HS6ST3: variants seen among roughly 807,000 people sequenced by gnomAD.
The protein encoded by HS6ST3 is heparan-sulfate 6-O-sulfotransferase 3.
A neutral mutation model predicts 36.7 loss-of-function variants in HS6ST3; 12 were observed. That is an observed-to-expected ratio of 0.33 (90% CI 0.21 to 0.53). The LOEUF is 0.53. Ranked by LOEUF, HS6ST3 falls within the 20% of genes least tolerant of loss-of-function variation. The pLI is 0.95. For synonymous variants in HS6ST3, 240 were observed against 257.5 expected (o/e 0.93, Z 0.65); for missense variants, 584 against 640.9 (o/e 0.91, Z 0.96).
At chr13:96,749,152 C>T (rs1029455574) in intron 1 of HS6ST3, among the ~76,000 whole-genome samples, 1 of 152,094 alleles carries the variant, frequency 6.6e-6, no homozygotes, top group African/African-American at 2.4e-5. Context: ...AGTATTTCCC[C>T]CAGTATCACT....
chr13:96,400,715 G>A lies in HS6ST3; in HGVS notation c.707+309146G>A, dbSNP rs138748077. Among the ~76,000 whole-genome samples the A allele has an allele frequency of 6.7e-3, 1,018 of 152,226 alleles. 7 individuals are homozygous for A. The highest frequency in any genetic ancestry group is 0.024 in the African/African-American group (977 of 41,530). On this transcript the variant is annotated intron_variant, in intron 1 of 1. Coordinates refer to ENST00000376705, the MANE Select transcript of HS6ST3 (RefSeq NM_153456.4). ...AGGAATATCCCACCAGTGGCGCAGG[G>A]CTTTGTGGTTTGGGAATTTGTCTCC...
intron 1 of HS6ST3, among the ~76,000 whole-genome samples, chr13:96,613,526 C>T (rs542800493): frequency 1.3e-5 from 2 of 152,182 alleles, no homozygotes; most frequent in South Asian, 4.1e-4. Flanking sequence ...AATGAGTCGA[C>T]TTGGATATAT....
rs1284223910 is a variant in HS6ST3, at chr13:96,110,442, G to GT, written c.707+18885dup. 1.2e-3 allele frequency among the ~76,000 whole-genome samples: 173 copies of GT among 146,088 alleles called. 2 individuals carry two copies. The highest frequency in any genetic ancestry group is 1.1e-3 in the Admixed American group (16 of 14,780). Reference sequence around the variant, plus strand: ...TTTCTTTTTTAATTTGTGTGTGTGTGTTTTTTTTTTTTGAGACGGTGTCTC... The same window carrying GT: ...TTTCTTTTTTAATTTGTGTGTGTGTGTTTTTTTTTTTTTGAGACGGTGTCTC... On this transcript the variant is annotated intron_variant, in intron 1 of 1. Coordinates refer to ENST00000376705, the MANE Select transcript of HS6ST3 (RefSeq NM_153456.4).
At chr13:96,616,440 C>G (rs1221828414) in intron 1 of HS6ST3, among the ~76,000 whole-genome samples, 2 of 152,146 alleles carry the variant, frequency 1.3e-5, no homozygotes, top group Non-Finnish European at 2.9e-5. Context: ...TTAATACCTT[C>G]TTATTATCAG....
intron 1 of HS6ST3, among the ~76,000 whole-genome samples, chr13:96,695,789 T>C (rs1029781369): frequency 6.6e-6 from 1 of 152,010 alleles, no homozygotes; most frequent in Non-Finnish European, 1.5e-5. Flanking sequence ...AGTATAAAAA[T>C]GTTGAGAAGT....
At chr13:96,653,735 T>C (rs1012348407) in intron 1 of HS6ST3, among the ~76,000 whole-genome samples, 4 of 152,144 alleles carry the variant, frequency 2.6e-5, no homozygotes, top group African/African-American at 7.2e-5. Context: ...GTAGTGGGAT[T>C]GCTGGGTCAA....
chr13:96,320,480 T>C (rs1042644303), intron 1 of HS6ST3, among the ~76,000 whole-genome samples: 47 of 152,350 alleles, frequency 3.1e-4, no homozygotes, highest in African/African-American at 9.6e-4. Context: ...GTGTTGTTAT[T>C]GAAATAGACT....
At chr13:96,112,381 G>A (rs2053872464) in intron 1 of HS6ST3, among the ~76,000 whole-genome samples, 1 of 151,508 alleles carries the variant, frequency 6.6e-6, no homozygotes, top group Admixed American at 6.6e-5. Flanking sequence ...AATCTTTCTA[G>A]TGTGTTAAGG....
At chr13:96,277,391 G>T (rs952337675) in intron 1 of HS6ST3, among the ~76,000 whole-genome samples, 1 of 152,150 alleles carries the variant, frequency 6.6e-6, no homozygotes, top group Non-Finnish European at 1.5e-5. Flanking sequence ...CTATTATAAT[G>T]TGGAGACCTA....
At chr13:96,161,682 A>G (rs1030609580) in intron 1 of HS6ST3, among the ~76,000 whole-genome samples, 1 of 152,234 alleles carries the variant, frequency 6.6e-6, no homozygotes, top group Admixed American at 6.5e-5. Context: ...TTCCCACACA[A>G]AACTCAGAGA....
chr13:96,458,745 T>C (rs1175722479), intron 1 of HS6ST3, among the ~76,000 whole-genome samples: 1 of 152,044 alleles, frequency 6.6e-6, no homozygotes, highest in Non-Finnish European at 1.5e-5. Flanking sequence ...TGGGACATTA[T>C]TAAAACCACC....
At chr13:96,400,336 C>A (rs1442354872) in intron 1 of HS6ST3, among the ~76,000 whole-genome samples, 2 of 151,706 alleles carry the variant, frequency 1.3e-5, no homozygotes, top group African/African-American at 2.4e-5. Flanking sequence ...CACACACACA[C>A]ACATACAAAT....
At chr13:96,368,009 G>A (rs950890378) in intron 1 of HS6ST3, among the ~76,000 whole-genome samples, 2 of 152,122 alleles carry the variant, frequency 1.3e-5, no homozygotes, top group African/African-American at 2.4e-5. Context: ...AGTGCACAGA[G>A]CACAATATTT....
intron 1 of HS6ST3, among the ~76,000 whole-genome samples, chr13:96,662,132 A>G (rs563188030): frequency 6.6e-6 from 1 of 152,242 alleles, no homozygotes; most frequent in East Asian, 1.9e-4. Flanking sequence ...GTGTCTGAAT[A>G]TCTACATCTC....
At chr13:96,172,272 T>C (rs2054191154) in intron 1 of HS6ST3, among the ~76,000 whole-genome samples, 1 of 152,206 alleles carries the variant, frequency 6.6e-6, no homozygotes, top group Non-Finnish European at 1.5e-5. Flanking sequence ...AACCCAGCTT[T>C]GCAAGGCAAT....
In HS6ST3 at chr13:96,112,578, AATATATATAT is replaced by A. The variant is rs59107741; in HGVS notation, c.707+21044_707+21053del. On this transcript the variant is annotated intron_variant, in intron 1 of 1. Coordinates refer to ENST00000376705, the MANE Select transcript of HS6ST3 (RefSeq NM_153456.4). Reference sequence around the variant, plus strand: ...TAAAACCCCATCTCTAAAATAAATAAATATATATATATATATATATATATATATATATATA... The same window carrying A: ...TAAAACCCCATCTCTAAAATAAATAAATATATATATATATATATATATATA... 8.6e-3 allele frequency among the ~76,000 whole-genome samples: 700 copies of A among 81,230 alleles called. 60 individuals are homozygous for A. The highest frequency in any genetic ancestry group is 0.027 in the East Asian group (65 of 2,424). The allele number at this position is 81,230 out of a possible 152,430, so 53.3% of individuals were successfully genotyped here.
chr13:96,306,398 A>G (rs1287129178), intron 1 of HS6ST3, among the ~76,000 whole-genome samples: 1 of 151,994 alleles, frequency 6.6e-6, no homozygotes, highest in Non-Finnish European at 1.5e-5. Flanking sequence ...TTTAGTAGAC[A>G]TGGGGTTTCA....
At chr13:96,816,863 G>A (rs1258018544) in intron 1 of HS6ST3, among the ~76,000 whole-genome samples, 1 of 152,272 alleles carries the variant, frequency 6.6e-6, no homozygotes, top group Admixed American at 6.5e-5. Flanking sequence ...GGGCATTTCT[G>A]TTCCTCCATT....
At chr13:96,170,411 C>G (rs947422051) in intron 1 of HS6ST3, among the ~76,000 whole-genome samples, 2 of 152,228 alleles carry the variant, frequency 1.3e-5, no homozygotes, top group Non-Finnish European at 2.9e-5. Context: ...AGAATAGCAA[C>G]TTGATGTCAG....
Sources: allele counts gnomAD v4.1 joint callset (sites outside exome capture counted in the v4.1 genomes callset), GRCh38; gene constraint gnomAD v4.1.1; transcripts MANE v1.5; gene names NCBI Gene and HGNC (gene_info 2026-07-23, HGNC 2026-07-21).